The following PPP1R9A variants were observed in gnomAD, a reference collection of about 807,000 sequenced individuals.
PPP1R9A encodes the protein neurabin-1.
In PPP1R9A, 59 loss-of-function variants were observed where a neutral mutation model predicts 141.9. The ratio of observed to expected loss-of-function variants is 0.42; its 90% CI spans 0.34 to 0.52. The LOEUF is 0.52. Among genes scored for constraint, PPP1R9A ranks in the 20% least tolerant of loss-of-function variants. The pLI is 0.10. For synonymous variants in PPP1R9A, 500 were observed against 569.7 expected (o/e 0.88, Z 1.74); for missense variants, 1,444 against 1,611.9 (o/e 0.90, Z 1.78).
intron 2 of PPP1R9A, among the ~76,000 whole-genome samples, chr7:94,921,334 C>G (rs2150719377): frequency 6.6e-6 from 1 of 151,812 alleles, no homozygotes; most frequent in Non-Finnish European, 1.5e-5. Context: ...GTAGTCCCAG[C>G]TACTCGGGAG....
intron 4 of PPP1R9A, among the ~76,000 whole-genome samples, chr7:95,158,371 T>G (rs1307843105): frequency 6.6e-6 from 1 of 152,066 alleles, no homozygotes; most frequent in Non-Finnish European, 1.5e-5. Flanking sequence ...GAAGAAAACA[T>G]AGGCCCAAGG....
intron 2 of PPP1R9A, among the ~76,000 whole-genome samples, chr7:94,992,930 T>A (rs183740647): frequency 1.3e-5 from 2 of 152,216 alleles, no homozygotes; most frequent in East Asian, 3.9e-4. Flanking sequence ...TGGATCATCT[T>A]TTGGTGTCAT....
At chr7:95,249,082 T>C (rs920697787) in intron 9 of PPP1R9A, among the ~76,000 whole-genome samples, 19 of 152,114 alleles carry the variant, frequency 1.2e-4, no homozygotes, top group Non-Finnish European at 2.6e-4. Context: ...ATGATCAGTA[T>C]TGGATTTCTG....
chr7:95,104,217 C>G (rs1389991040), intron 2 of PPP1R9A, among the ~76,000 whole-genome samples: 2 of 152,180 alleles, frequency 1.3e-5, no homozygotes, highest in South Asian at 2.1e-4. Flanking sequence ...GAGTAATAAC[C>G]TAACTAGTAC....
At chr7:95,220,928 C>A (rs897197111) in intron 7 of PPP1R9A, among the ~76,000 whole-genome samples, 1 of 151,930 alleles carries the variant, frequency 6.6e-6, no homozygotes, top group Non-Finnish European at 1.5e-5. Flanking sequence ...TTTTCTTGGG[C>A]TTGGGTAGAA....
chr7:94,984,475 T>C (rs1030087116), intron 2 of PPP1R9A, among the ~76,000 whole-genome samples: 5 of 152,168 alleles, frequency 3.3e-5, no homozygotes, highest in Non-Finnish European at 7.4e-5. Context: ...GTTTTTTTGG[T>C]TGGTAGGCTC....
chr7:95,085,696 T>C (rs1214418164), intron 2 of PPP1R9A, among the ~76,000 whole-genome samples: 1 of 152,012 alleles, frequency 6.6e-6, no homozygotes, highest in Non-Finnish European at 1.5e-5. Context: ...ATTACAGGCA[T>C]GAGCCACTGC....
At chr7:95,025,363 C>T (rs1195344569) in intron 2 of PPP1R9A, among the ~76,000 whole-genome samples, 3 of 151,958 alleles carry the variant, frequency 2.0e-5, no homozygotes. Context: ...CTGTGCCTGG[C>T]GAAAATTCTT....
At chr7:95,081,787 G>A (rs188036732) in intron 2 of PPP1R9A, among the ~76,000 whole-genome samples, 4 of 152,266 alleles carry the variant, frequency 2.6e-5, no homozygotes, top group Admixed American at 2.6e-4. Context: ...CCAAAGTCTT[G>A]CTACAATTAT....
chr7:94,939,688 G>A (rs1795121740), intron 2 of PPP1R9A, among the ~76,000 whole-genome samples: 1 of 151,744 alleles, frequency 6.6e-6, no homozygotes, highest in South Asian at 2.1e-4. Context: ...AGCACTTAGT[G>A]ACTTAGGTGA....
In PPP1R9A at chr7:95,269,337, C is replaced by CAGAA; in HGVS notation, c.2954_2955insAGAA (p.Ser986GlufsTer3). The stretch of plus-strand genomic sequence containing the variant: ...CCGGTGGATAGCAATGTGCCCTTCT[C>CAGAA]GTCTGACCACATAGCTGAATTTCAA... On this transcript the variant is annotated frameshift_variant, in exon 14 of 20. Transcript: ENST00000433360. LOFTEE classifies it high-confidence loss of function. The CAGAA allele has an allele frequency of 6.3e-7, 1 of 1,598,642 alleles. No individual in the cohort carries two copies.
At chr7:95,195,467 C>T (rs114824844) in intron 5 of PPP1R9A, among the ~76,000 whole-genome samples, 2 of 146,086 alleles carry the variant, frequency 1.4e-5, no homozygotes, top group South Asian at 2.2e-4. Context: ...TTTTAAGGGA[C>T]GGGTCTCATT....
rs146795016 is a variant in PPP1R9A at position 95,159,087 on chromosome 7, G to A, written c.1650-2780G>A. On this transcript the variant is annotated intron_variant, in intron 4 of 19. Transcript: ENST00000433360. ...ATGTGCATAAGGAGGCATGTATGAAGTTGACTATTACAGCAATATTTTATT... is the reference window on the plus strand; with the variant it reads ...ATGTGCATAAGGAGGCATGTATGAAATTGACTATTACAGCAATATTTTATT... 8.7e-3 allele frequency among the ~76,000 whole-genome samples: 1,325 copies of A among 152,290 alleles called. 14 individuals carry two copies. The highest frequency in any genetic ancestry group is 9.6e-3 in the Non-Finnish European group (652 of 68,028).
chr7:95,238,490 C>T (rs1412859564), intron 8 of PPP1R9A, among the ~76,000 whole-genome samples: 2 of 152,130 alleles, frequency 1.3e-5, no homozygotes, highest in Non-Finnish European at 2.9e-5. Context: ...ACTGTACTCT[C>T]CTGCTTCAGA....
intron 4 of PPP1R9A, among the ~76,000 whole-genome samples, chr7:95,152,225 C>T (rs1828831291): frequency 6.6e-6 from 1 of 152,082 alleles, no homozygotes; most frequent in South Asian, 2.1e-4. Context: ...GCTGGGATTA[C>T]AGAAGTGAGC....
intron 2 of PPP1R9A, among the ~76,000 whole-genome samples, chr7:95,025,285 T>C (rs1326429600): frequency 6.6e-6 from 1 of 152,160 alleles, no homozygotes; most frequent in Non-Finnish European, 1.5e-5. Flanking sequence ...CAGGCTGTTC[T>C]TGAACTCCTG....
intron 2 of PPP1R9A, among the ~76,000 whole-genome samples, chr7:95,065,367 A>T (rs1812807055): frequency 6.6e-6 from 1 of 151,922 alleles, no homozygotes; most frequent in South Asian, 2.1e-4. Context: ...ACCTCGCCCC[A>T]AGTTGCTTTC....
Position 95,286,203 on chromosome 7 carries a change from C to T in PPP1R9A, c.3610-3C>T. 1 of 1,612,562 alleles carries T rather than the reference C, an allele frequency of 6.2e-7. No homozygotes were observed. Among genetic ancestry groups the T allele is most frequent in the Non-Finnish European group, 8.5e-7 (1 of 1,178,954 alleles). ...TAACACTGAGCTTCATTTATTTTTA[C>T]AGAATTTTACCTTCAATGATGACTT... On this transcript the variant is annotated splice_region_variant and splice_polypyrimidine_tract_variant and intron_variant, in intron 17 of 19. Transcript: ENST00000433360.
Position 95,167,510 on chromosome 7 carries a change from C to T in PPP1R9A, c.1754+5539C>T, listed in dbSNP as rs1563345648. On this transcript the variant is annotated intron_variant, in intron 5 of 19. Coordinates refer to ENST00000433360, the MANE Select transcript of PPP1R9A (RefSeq NM_001166160.2). ...AACAAGACAAGAATGCCCACTTTCACCATTCCTATTCAACATAGTACTGGA... is the reference window on the plus strand; with the variant it reads ...AACAAGACAAGAATGCCCACTTTCATCATTCCTATTCAACATAGTACTGGA... 1.3e-5 allele frequency among the ~76,000 whole-genome samples: 2 copies of T among 152,250 alleles called. 1 individual carries two copies. The highest frequency in any genetic ancestry group is 3.9e-4 in the East Asian group (2 of 5,176).
Sources: gnomAD v4.1 joint callset for allele counts (sites outside exome capture counted in the v4.1 genomes callset) on GRCh38, gnomAD v4.1.1 for gene constraint, MANE v1.5 for transcripts, NCBI Gene and HGNC (gene_info 2026-07-23, HGNC 2026-07-21) for gene names.